IL1RAPL2: variants seen among roughly 807,000 people sequenced by gnomAD.
IL1RAPL2 encodes X-linked interleukin-1 receptor accessory protein-like 2.
IL1RAPL2 carries 3 observed loss-of-function variants against 44.1 expected under a neutral mutation model. The ratio of observed to expected loss-of-function variants is 0.07; its 90% CI spans 0.03 to 0.18. The LOEUF is 0.18. Ranked by LOEUF, IL1RAPL2 falls within the 10% of genes least tolerant of loss-of-function variation. IL1RAPL2 has a pLI of 1.00. For missense variants in IL1RAPL2, 391 were observed against 496.4 expected, an observed-to-expected ratio of 0.79 and a Z score of 2.02; for synonymous variants, 181 against 178.8, an observed-to-expected ratio of 1.01 and a Z score of -0.10.
intron 2 of IL1RAPL2, among the ~76,000 whole-genome samples, chrX:104,823,596 G>A (rs953685692): frequency 3.7e-5 from 4 of 108,074 alleles, no homozygotes; most frequent in Non-Finnish European, 5.8e-5. Flanking sequence ...ATGATTTATA[G>A]TCCTTTGGGT....
At chrX:105,513,691 T>G (rs2036489585) in intron 6 of IL1RAPL2, among the ~76,000 whole-genome samples, 1 of 111,572 alleles carries the variant, frequency 9.0e-6, no homozygotes, top group Non-Finnish European at 1.9e-5. Context: ...ATGGATAGAT[T>G]GCAAAAATTT....
intron 5 of IL1RAPL2, among the ~76,000 whole-genome samples, chrX:105,359,504 T>C (rs2035232123): frequency 9.0e-6 from 1 of 111,434 alleles, no homozygotes; most frequent in East Asian, 2.8e-4. Context: ...GGAAAATGTA[T>C]CTCAGCATGG....
chrX:105,534,670 C>T (rs1048689549), intron 6 of IL1RAPL2, among the ~76,000 whole-genome samples: 8 of 112,058 alleles, frequency 7.1e-5, no homozygotes, highest in Admixed American at 6.7e-4. Context: ...GATCAATTAA[C>T]GGAGTCAAAA....
At chrX:105,493,426 G>A (rs2036335122) in intron 6 of IL1RAPL2, among the ~76,000 whole-genome samples, 1 of 111,708 alleles carries the variant, frequency 9.0e-6, no homozygotes, top group South Asian at 3.7e-4. Context: ...GAAAGCACTT[G>A]TTATTTTTTT....
At chrX:105,504,014 G>A (rs2036414045) in intron 6 of IL1RAPL2, among the ~76,000 whole-genome samples, 1 of 111,851 alleles carries the variant, frequency 8.9e-6, no homozygotes, top group African/African-American at 3.2e-5. Context: ...GGTATCTGGA[G>A]TTTAGGTACA....
rs1323121302 is a variant in IL1RAPL2 at position 105,035,024 on chromosome X, A to G, written c.83-160451A>G. ...TAGCAATCAGCGAGACACTGTGGGC[A>G]TAGGGACCCTCCAAGCCAGGTGCAG... On this transcript the variant is annotated intron_variant, in intron 2 of 10. Coordinates refer to ENST00000372582, the MANE Select transcript of IL1RAPL2 (RefSeq NM_017416.2). Among the ~76,000 whole-genome samples, 6 of 94 alleles carry G rather than the reference A, an allele frequency of 0.064. No homozygotes were observed. In the South Asian group the frequency reaches 0.67, roughly 10 times the overall value. The allele number at this position is 94 out of a possible 115,157, so 0.1% of individuals were successfully genotyped here. A position where few individuals can be genotyped will look rare whatever the true frequency, so the allele number is the denominator to read the frequency against.
intron 2 of IL1RAPL2, among the ~76,000 whole-genome samples, chrX:104,759,106 C>T (rs187095691): frequency 8.0e-5 from 9 of 112,499 alleles, no homozygotes; most frequent in East Asian, 2.8e-4. Context: ...AGTCCTAAGA[C>T]GGCCCACACT....
At chrX:104,865,844 C>T (rs971402428) in intron 2 of IL1RAPL2, among the ~76,000 whole-genome samples, 8 of 112,783 alleles carry the variant, frequency 7.1e-5, no homozygotes, top group Non-Finnish European at 1.1e-4. Flanking sequence ...CTTCCCTACT[C>T]TTGAGGTTTT....
rs1305600420 is a variant in IL1RAPL2 at position 105,538,332 on chromosome X, G to A, written c.772+53945G>A. 2.7e-5 allele frequency among the ~76,000 whole-genome samples: 3 copies of A among 109,853 alleles called. No individual in the cohort carries two copies. The East Asian group carries it at 8.6e-4, about 31-fold the overall frequency. On this transcript the variant is annotated intron_variant, in intron 6 of 10. Transcript: ENST00000372582. ...ATTACAGGCATGAGCCACTGCGCCC[G>A]GCCAATTTTCCCTTGTTTATTGGAT... is the stretch of plus-strand genomic sequence containing the variant.
chrX:105,728,896 C>G (rs1178669908), intron 7 of IL1RAPL2, among the ~76,000 whole-genome samples: 1 of 109,885 alleles, frequency 9.1e-6, no homozygotes, highest in African/African-American at 3.4e-5. Flanking sequence ...CTCAAAAACT[C>G]TTGGTAACCA....
intron 2 of IL1RAPL2, among the ~76,000 whole-genome samples, chrX:104,786,786 C>T (rs778741895): frequency 5.4e-5 from 6 of 111,210 alleles, no homozygotes; most frequent in African/African-American, 2.0e-4. Flanking sequence ...AAATGAAATG[C>T]CATAAAAATA....
chrX:105,303,686 G>A (rs2034713227), intron 5 of IL1RAPL2, among the ~76,000 whole-genome samples: 1 of 112,119 alleles, frequency 8.9e-6, no homozygotes, highest in South Asian at 3.7e-4. Flanking sequence ...CAAACACAAG[G>A]CCTCACAAGT....
At chrX:104,956,085 G>A (rs1182535284) in intron 2 of IL1RAPL2, among the ~76,000 whole-genome samples, 1 of 112,054 alleles carries the variant, frequency 8.9e-6, no homozygotes, top group Non-Finnish European at 1.9e-5. Flanking sequence ...GGATACATTT[G>A]AGTGCTTGCC....
chrX:105,692,769 G>A (rs113054208), intron 6 of IL1RAPL2, among the ~76,000 whole-genome samples: 3,593 of 110,447 alleles, frequency 0.033, 146 homozygotes, highest in African/African-American at 0.11. Flanking sequence ...GGCCAGAGGG[G>A]GCTATCGTAG....
chrX:105,219,271 A>G, intron 3 of IL1RAPL2: 3 of 1,210,980 alleles, frequency 2.5e-6, no homozygotes, highest in Non-Finnish European at 3.4e-6. Context: ...GAAGGAGGAA[A>G]AAGGGCTTGA....
intron 2 of IL1RAPL2, among the ~76,000 whole-genome samples, chrX:104,767,054 G>T (rs983181969): frequency 8.9e-5 from 10 of 111,881 alleles, no homozygotes; most frequent in Admixed American, 2.8e-4. Context: ...CCTCCACAGG[G>T]TTCATGTAGA....
At chrX:105,233,232 A>C (rs1203059021) in intron 3 of IL1RAPL2, among the ~76,000 whole-genome samples, 6 of 111,666 alleles carry the variant, frequency 5.4e-5, no homozygotes, top group Non-Finnish European at 1.1e-4. Context: ...TACAGTGAGC[A>C]GAGATAGCGC....
intron 6 of IL1RAPL2, among the ~76,000 whole-genome samples, chrX:105,669,540 A>T (rs1364059878): frequency 1.8e-5 from 2 of 111,407 alleles, no homozygotes; most frequent in Non-Finnish European, 3.8e-5. Context: ...TTTCTAATTA[A>T]TTTTTAAATT....
intron 2 of IL1RAPL2, among the ~76,000 whole-genome samples, chrX:104,817,504 G>T (rs1342183754): frequency 9.0e-6 from 1 of 111,455 alleles, no homozygotes; most frequent in African/African-American, 3.3e-5. Flanking sequence ...TTGGGGCATT[G>T]TTCTCTGAGC....
Sources: allele counts gnomAD v4.1 joint callset (sites outside exome capture counted in the v4.1 genomes callset), GRCh38; gene constraint gnomAD v4.1.1; transcripts MANE v1.5; gene names NCBI Gene and HGNC (gene_info 2026-07-23, HGNC 2026-07-21).